The following ANKFN1 variants were observed in gnomAD, a reference collection of about 807,000 sequenced individuals.
ANKFN1 encodes the protein ankyrin repeat and fibronectin type III domain containing 1, also known as ankyrin repeat and fibronectin type-III domain-containing protein 1.
A neutral mutation model predicts 108.7 loss-of-function variants in ANKFN1; 74 were observed. That is an observed-to-expected ratio of 0.68 (90% confidence interval 0.56 to 0.83). ANKFN1 has a LOEUF of 0.83. Ranked by LOEUF, ANKFN1 falls within the 40% of genes least tolerant of loss-of-function variation. The pLI is 0.00. For synonymous variants in ANKFN1, 547 were observed against 516.2 expected (o/e 1.06, Z -0.81); for missense variants, 1,505 against 1,382.3 (o/e 1.09, Z -1.41).
chr17:56,133,163 C>CA (rs1015017172), intron 4 of ANKFN1, among the ~76,000 whole-genome samples: 10 of 152,194 alleles, frequency 6.6e-5, no homozygotes, highest in African/African-American at 2.2e-4. Flanking sequence ...GATATCGACT[C>CA]ATTTCTGTCA....
At chr17:56,408,861 A>G (rs1028843581) in intron 8 of ANKFN1, among the ~76,000 whole-genome samples, 2 of 152,186 alleles carry the variant, frequency 1.3e-5, no homozygotes, top group Admixed American at 1.3e-4. Context: ...AGTAAAAACA[A>G]TAGAGTTAGA....
At chr17:56,092,266 A>AT (rs748898792) in intron 4 of ANKFN1, among the ~76,000 whole-genome samples, 5,478 of 111,296 alleles carry the variant, frequency 0.049, 507 homozygotes, top group African/African-American at 0.16. Flanking sequence ...GTGAGGTAGT[A>AT]TTTTTTTTTT....
intron 15 of ANKFN1, among the ~76,000 whole-genome samples, chr17:56,469,604 T>G (rs1295325984): frequency 6.6e-6 from 1 of 152,080 alleles, no homozygotes; most frequent in African/African-American, 2.4e-5. Flanking sequence ...CCCTTTCTGG[T>G]TATGTGTCCA....
At chr17:56,220,953 A>G (rs1915856108) in intron 2 of ANKFN1, among the ~76,000 whole-genome samples, 1 of 151,872 alleles carries the variant, frequency 6.6e-6, no homozygotes, top group African/African-American at 2.4e-5. Context: ...GACAGACCTG[A>G]GACTGGGTAA....
In ANKFN1 at chr17:56,374,686, C is replaced by T; in HGVS notation, c.882C>T (p.Val294=). The T allele has an allele frequency of 1.2e-6, 2 of 1,613,828 alleles. No individual in the cohort carries two copies. The highest frequency in any genetic ancestry group is 2.2e-5 in the East Asian group (1 of 44,860). Residue 294 remains valine (V), a synonymous_variant, in exon 8 of 21, where the codon GTC becomes GTT. Transcript: ENST00000682825. ...LTVSFQEPLS[V]NAAVVTRYKV... ...TCAGCTTCCAAGAGCCTCTTAGCGT[C>T]AATGCAGCTGTAGTAACCAGGTATA...
At chr17:56,369,178 C>T (rs1361815208) in intron 6 of ANKFN1, among the ~76,000 whole-genome samples, 1 of 152,110 alleles carries the variant, frequency 6.6e-6, no homozygotes, top group Non-Finnish European at 1.5e-5. Context: ...TTGTTGTTTG[C>T]ACATTTTTTT....
rs896008377 is a variant in ANKFN1, at chr17:56,087,520, G to A, written c.288+41195G>A. The stretch of plus-strand genomic sequence containing the variant: ...CTTTTGCCCTTCAATTTAGCTCAAC[G>A]CCAGTGGACTCCCCTGCACTTGATG... On this transcript the variant is annotated intron_variant, in intron 4 of 12. Transcript: ENST00000635860. 9.3e-5 allele frequency among the ~76,000 whole-genome samples: 14 copies of A among 150,706 alleles called. 1 individual carries two copies. The highest frequency in any genetic ancestry group is 6.8e-3 in the Middle Eastern group (2 of 292).
chr17:56,073,218 T>G (rs1325807138), intron 4 of ANKFN1, among the ~76,000 whole-genome samples: 4 of 152,242 alleles, frequency 2.6e-5, no homozygotes, highest in East Asian at 3.9e-4. Context: ...GGTCTCGATC[T>G]CCTGACCTCG....
intron 3 of ANKFN1, among the ~76,000 whole-genome samples, chr17:56,241,288 A>G (rs1917558780): frequency 6.6e-6 from 1 of 152,100 alleles, no homozygotes. Flanking sequence ...CAAACAAACA[A>G]ACAAATAAAA....
At chr17:56,321,482 G>A (rs372091403) in intron 3 of ANKFN1, among the ~76,000 whole-genome samples, 2 of 150,178 alleles carry the variant, frequency 1.3e-5, no homozygotes, top group Non-Finnish European at 3.0e-5. Flanking sequence ...AAAAATCTTC[G>A]CTGAAAAAAA....
intron 14 of ANKFN1, among the ~76,000 whole-genome samples, chr17:56,465,120 A>G (rs1214494738): frequency 6.6e-6 from 1 of 151,878 alleles, no homozygotes; most frequent in Non-Finnish European, 1.5e-5. Context: ...CTTTTTCACT[A>G]GCCAGTTTAC....
chr17:56,508,842 T>C (rs1025467396), intron 20 of ANKFN1, among the ~76,000 whole-genome samples: 6 of 152,244 alleles, frequency 3.9e-5, no homozygotes, highest in Non-Finnish European at 8.8e-5. Flanking sequence ...TATAATTTCT[T>C]ATTAATTTTA....
intron 1 of ANKFN1, among the ~76,000 whole-genome samples, chr17:56,198,672 A>C (rs1002269088): frequency 1.3e-5 from 2 of 152,100 alleles, no homozygotes; most frequent in African/African-American, 4.8e-5. Context: ...AAAAATTACC[A>C]TTTTTTCTCC....
At chr17:56,296,493 G>A (rs1300362474) in intron 3 of ANKFN1, among the ~76,000 whole-genome samples, 1 of 152,136 alleles carries the variant, frequency 6.6e-6, no homozygotes, top group Non-Finnish European at 1.5e-5. Context: ...AGACCAGCCT[G>A]GCCAACATGG....
Position 56,310,940 on chromosome 17 carries a change from A to T in ANKFN1, c.54-15281A>T, listed in dbSNP as rs190081519. Among the ~76,000 whole-genome samples the T allele has an allele frequency of 2.0e-5, 3 of 152,256 alleles. No homozygotes were observed. In the East Asian group the frequency reaches 5.8e-4, roughly 29 times the overall value. ...CCCCATTTCCTCCCCCTGCCCCCAG[A>T]TCCTGGCAACCACCATTCTACTCTC... On this transcript the variant is annotated intron_variant, in intron 3 of 20. Transcript: ENST00000682825.
intron 19 of ANKFN1, 65 bp from the exon 20 acceptor site, chr17:56,498,817 G>A: frequency 3.0e-6 from 4 of 1,347,290 alleles, no homozygotes; most frequent in Non-Finnish European, 4.1e-6. Context: ...TGGACTCTCA[G>A]GGAAATGTAT....
chr17:56,153,499 C>G lies in ANKFN1; in HGVS notation c.-102C>G. On this transcript the variant is annotated 5_prime_UTR_variant, in exon 1 of 21. Transcript: ENST00000682825. ...CCTCTTTCAACTCAAGAGCTCAGTCCTGTGTCTCTCATGGAGGCGTCTCTA... is the reference window on the plus strand; with the variant it reads ...CCTCTTTCAACTCAAGAGCTCAGTCGTGTGTCTCTCATGGAGGCGTCTCTA... 2 of 1,614,022 alleles carry G rather than the reference C, an allele frequency of 1.2e-6. No individual in the cohort carries two copies. The highest frequency in any genetic ancestry group is 1.7e-6 in the Non-Finnish European group (2 of 1,179,906).
chr17:56,508,722 C>A (rs1001082044), intron 20 of ANKFN1, among the ~76,000 whole-genome samples: 1 of 152,164 alleles, frequency 6.6e-6, no homozygotes, highest in Non-Finnish European at 1.5e-5. Flanking sequence ...TTCCTATATA[C>A]CTACACTTAT....
intron 8 of ANKFN1, among the ~76,000 whole-genome samples, chr17:56,412,595 C>G (rs1223991663): frequency 6.6e-6 from 1 of 152,180 alleles, no homozygotes; most frequent in African/African-American, 2.4e-5. Context: ...CATATTTCTC[C>G]CATGTCAGAT....
Sources: gnomAD v4.1 joint callset for allele counts (sites outside exome capture counted in the v4.1 genomes callset) on GRCh38, gnomAD v4.1.1 for gene constraint, MANE v1.5 for transcripts, NCBI Gene and HGNC (gene_info 2026-07-23, HGNC 2026-07-21) for gene names.